Variants in RIMS4 observed in about 807,000 individuals in gnomAD.
RIMS4 encodes the protein regulating synaptic membrane exocytosis 4.
A neutral mutation model predicts 29.0 loss-of-function variants in RIMS4; 9 were observed. The observed-to-expected ratio is 0.31, with a 90% CI of 0.19 to 0.54. The LOEUF (loss-of-function observed/expected upper bound fraction) is 0.54, where lower values mean the gene tolerates loss of function less well. RIMS4 is among the 20% of genes least tolerant of loss of function. The probability of loss-of-function intolerance (pLI) is 0.94; values close to 1 mark genes in which losing one functional copy is unlikely to be tolerated. For synonymous variants in RIMS4, 130 were observed against 152.9 expected, an observed-to-expected ratio of 0.85 and a Z score of 1.10; for missense variants, 193 against 365.7, an observed-to-expected ratio of 0.53 and a Z score of 3.85.
intron 1 of RIMS4, among the ~76,000 whole-genome samples, chr20:44,773,900 T>G (rs4812861): frequency 6.6e-6 from 1 of 151,970 alleles, no homozygotes; most frequent in Non-Finnish European, 1.5e-5. Context: ...ACGTTTCCCA[T>G]AGTGCGGGCA....
At chr20:44,776,533 G>A (rs1344343797) in intron 1 of RIMS4, among the ~76,000 whole-genome samples, 1 of 152,196 alleles carries the variant, frequency 6.6e-6, no homozygotes, top group Middle Eastern at 3.4e-3. Context: ...CCATCCTCCA[G>A]AGTTTAGCTT....
At chr20:44,793,110 G>A (rs1444035799) in intron 1 of RIMS4, among the ~76,000 whole-genome samples, 7 of 152,128 alleles carry the variant, frequency 4.6e-5, no homozygotes, top group East Asian at 1.9e-4. Context: ...CCATATAAGC[G>A]CTGTGTCTGG....
chr20:44,756,041 G>T lies in RIMS4; in HGVS notation c.*93C>A. The T allele has an allele frequency of 1.0e-6, 1 of 1,004,854 alleles. No homozygotes were observed. Among genetic ancestry groups the T allele is most frequent in the Non-Finnish European group, 1.5e-6 (1 of 666,080 alleles). The allele number at this position is 1,004,854 out of a possible 1,614,324, so 62.2% of individuals were successfully genotyped here. On this transcript the variant is annotated 3_prime_UTR_variant, in exon 6 of 6. Coordinates refer to ENST00000372851, the MANE Select transcript of RIMS4 (RefSeq NM_182970.4). This position sits in a 1 kb window ranked among gnomAD's most constrained non-coding sequence, Gnocchi z 5.9. Reference sequence around the variant, plus strand: ...CTTCCCCACTGTGGGGGAGAGCCCCGTCCTCCTGTTCAATGTGCCCCTGGG... The same window carrying T: ...CTTCCCCACTGTGGGGGAGAGCCCCTTCCTCCTGTTCAATGTGCCCCTGGG...
intron 1 of RIMS4, among the ~76,000 whole-genome samples, chr20:44,794,860 C>T (rs2066247903): frequency 1.3e-5 from 2 of 152,202 alleles, no homozygotes. Flanking sequence ...CCAAAGGGAG[C>T]CATCTCTGGG....
In RIMS4 at chr20:44,756,557, G is replaced by A. The variant is rs192727394; in HGVS notation, c.592-205C>T. On this transcript the variant is annotated intron_variant, in intron 5 of 5. Transcript: ENST00000372851. The surrounding 1 kb of genome is among the most constrained non-coding windows in gnomAD (Gnocchi z 5.9). ...AGAGGCTGTTGATGGTAATGGTGAC[G>A]GTGACGATGGTAATGGGTAGAACAC... Among the ~76,000 whole-genome samples the A allele has an allele frequency of 2.6e-5, 4 of 152,276 alleles. No homozygotes were observed. Among genetic ancestry groups the A allele is most frequent in the Admixed American group, 6.5e-5 (1 of 15,306 alleles).
chr20:44,793,960 T>C (rs2066244028), intron 1 of RIMS4, among the ~76,000 whole-genome samples: 1 of 152,176 alleles, frequency 6.6e-6, no homozygotes, highest in Non-Finnish European at 1.5e-5. Context: ...TCCCAGCTTT[T>C]TGGGACGCTG....
intron 1 of RIMS4, among the ~76,000 whole-genome samples, chr20:44,803,614 C>T (rs1428195807): frequency 7.3e-5 from 11 of 151,562 alleles, no homozygotes; most frequent in East Asian, 1.9e-4. Context: ...AAGAATAAGG[C>T]GCTGACATCA....
intron 1 of RIMS4, among the ~76,000 whole-genome samples, chr20:44,790,083 A>G (rs772207561): frequency 7.2e-5 from 11 of 152,254 alleles, no homozygotes; most frequent in Non-Finnish European, 1.0e-4. Flanking sequence ...GTTGAACATC[A>G]GAATCGCCTG....
intron 1 of RIMS4, among the ~76,000 whole-genome samples, chr20:44,797,815 T>C (rs951600245): frequency 2.0e-5 from 3 of 152,234 alleles, no homozygotes; most frequent in Non-Finnish European, 4.4e-5. Context: ...AGTCAGAGCC[T>C]TGCCATGTGT....
rs913115509 is a variant in RIMS4 at position 44,752,631 on chromosome 20, A to G, written c.*3503T>C. On this transcript the variant is annotated 3_prime_UTR_variant, in exon 6 of 6. Coordinates refer to ENST00000372851, the MANE Select transcript of RIMS4 (RefSeq NM_182970.4). ...CCCCAGGGGCTCTTGTGAGGGCCGA[A>G]GGGCACACTCGAGATAAAAGCATTC... 6.6e-6 allele frequency: 1 copy of G among 152,406 alleles called. No individual in the cohort carries two copies. Among genetic ancestry groups the G allele is most frequent in the Non-Finnish European group, 1.5e-5 (1 of 68,168 alleles). 9.4% of individuals were successfully genotyped at this position (152,406 alleles called of 1,614,324 possible).
At chr20:44,793,682 A>C (rs906600202) in intron 1 of RIMS4, among the ~76,000 whole-genome samples, 1 of 152,182 alleles carries the variant, frequency 6.6e-6, no homozygotes, top group African/African-American at 2.4e-5. Context: ...GTGGGTAATA[A>C]GAGTGAAGCC....
intron 1 of RIMS4, among the ~76,000 whole-genome samples, chr20:44,796,616 AG>A (rs1445351249): frequency 6.6e-6 from 1 of 152,212 alleles, no homozygotes; most frequent in Non-Finnish European, 1.5e-5. Context: ...AAAGTACCAC[AG>A]GGGCTCCCAG....
At chr20:44,790,853 G>A (rs754661552) in intron 1 of RIMS4, among the ~76,000 whole-genome samples, 1 of 152,200 alleles carries the variant, frequency 6.6e-6, no homozygotes, top group South Asian at 2.1e-4. Context: ...TGCAGGGCCA[G>A]GCATAGAATA....
intron 1 of RIMS4, among the ~76,000 whole-genome samples, chr20:44,775,463 C>T (rs987038971): frequency 6.6e-6 from 1 of 152,112 alleles, no homozygotes; most frequent in African/African-American, 2.4e-5. Context: ...AATGTATGAC[C>T]CTTAACCTGC....
At chr20:44,779,571 G>A (rs191076685) in intron 1 of RIMS4, among the ~76,000 whole-genome samples, 35 of 152,290 alleles carry the variant, frequency 2.3e-4, no homozygotes, top group African/African-American at 7.7e-4. Context: ...TTGTTTCATT[G>A]CAGTTCATTC....
rs1344088069 is a variant in RIMS4 at position 44,810,299 on chromosome 20, C to G, written c.-28G>C. 3 of 956,172 alleles carry G rather than the reference C, an allele frequency of 3.1e-6. No individual in the cohort carries two copies. Among genetic ancestry groups the G allele is most frequent in the Non-Finnish European group, 3.8e-6 (3 of 782,032 alleles). 59.2% of individuals were successfully genotyped at this position (956,172 alleles called of 1,614,324 possible). On this transcript the variant is annotated 5_prime_UTR_variant, in exon 1 of 6. Coordinates refer to ENST00000372851, the MANE Select transcript of RIMS4 (RefSeq NM_182970.4). ...CCGCGCCGGCGCCGGGCGCCTCGGCCGCGGCGGCGGCGGCGGCGGCGGGCG... is the reference window on the plus strand; with the variant it reads ...CCGCGCCGGCGCCGGGCGCCTCGGCGGCGGCGGCGGCGGCGGCGGCGGGCG...
At chr20:44,758,336 A>T in intron 2 of RIMS4, 152 bp from the exon 3 acceptor site, 1 of 604,830 alleles carries the variant, frequency 1.7e-6, no homozygotes, top group Non-Finnish European at 2.9e-6. Context: ...CATGTGGTTT[A>T]GTGCCTTGAT....
chr20:44,767,143 C>T (rs1323122361), intron 2 of RIMS4, among the ~76,000 whole-genome samples: 1 of 152,222 alleles, frequency 6.6e-6, no homozygotes, highest in African/African-American at 2.4e-5. Context: ...CTAGAATCAC[C>T]TCCCAGGTGA....
At chr20:44,806,079 C>T (rs1009740362) in intron 1 of RIMS4, among the ~76,000 whole-genome samples, 1 of 152,200 alleles carries the variant, frequency 6.6e-6, no homozygotes, top group Admixed American at 6.5e-5. Flanking sequence ...TGGCCCAAAC[C>T]GCTAGGAGAG....
Sources: gnomAD v4.1 joint callset for allele counts (sites outside exome capture counted in the v4.1 genomes callset) on GRCh38, gnomAD v4.1.1 for gene constraint, Gnocchi (gnomAD v3.1) non-coding constraint, MANE v1.5 for transcripts, NCBI Gene and HGNC (gene_info 2026-07-23, HGNC 2026-07-21) for gene names.